RPTOR: variants seen among roughly 807,000 people sequenced by gnomAD.
RPTOR encodes regulatory-associated protein of mTOR.
A neutral mutation model predicts 169.9 loss-of-function variants in RPTOR; 21 were observed. The ratio of observed to expected loss-of-function variants is 0.12; its 90% CI spans 0.09 to 0.18. RPTOR has a LOEUF of 0.18. Ranked by LOEUF, RPTOR falls within the 10% of genes least tolerant of loss-of-function variation. The probability of loss-of-function intolerance (pLI) is 1.00; values close to 1 mark genes in which losing one functional copy is unlikely to be tolerated. For missense variants in RPTOR, 1,133 were observed against 1,855.9 expected, an observed-to-expected ratio of 0.61 and a Z score of 7.16; for synonymous variants, 732 against 753.2, an observed-to-expected ratio of 0.97 and a Z score of 0.46.
chr17:80,691,375 C>T (rs561464305), intron 3 of RPTOR, among the ~76,000 whole-genome samples: 69 of 148,092 alleles, frequency 4.7e-4, no homozygotes, highest in Middle Eastern at 3.5e-3. Context: ...GAAGGCACTA[C>T]CTACTGTATT....
chr17:80,671,221 G>A (rs1483594966), intron 3 of RPTOR, among the ~76,000 whole-genome samples: 7 of 152,102 alleles, frequency 4.6e-5, no homozygotes, highest in South Asian at 2.1e-4. Context: ...TGTGCTCTTC[G>A]TCCTTGTGCT....
chr17:80,678,679 G>A (rs35821645), intron 3 of RPTOR, among the ~76,000 whole-genome samples: 26,884 of 152,140 alleles, frequency 0.18, 3,803 homozygotes, highest in African/African-American at 0.39. Flanking sequence ...ACCCATTCAC[G>A]TTTTCTAACT....
chr17:80,915,711 C>T (rs1567984630), intron 21 of RPTOR, among the ~76,000 whole-genome samples: 1 of 45,412 alleles, frequency 2.2e-5, no homozygotes. Flanking sequence ...CCAGGGTCTC[C>T]TCTCTGCTGA....
intron 6 of RPTOR, among the ~76,000 whole-genome samples, chr17:80,764,731 C>T (rs1043215587): frequency 3.3e-5 from 5 of 151,980 alleles, no homozygotes; most frequent in African/African-American, 4.8e-5. Flanking sequence ...CCTGAGGAAT[C>T]GCCACACTGA....
chr17:80,894,686 G>A (rs1048464010), intron 20 of RPTOR, among the ~76,000 whole-genome samples: 12 of 152,124 alleles, frequency 7.9e-5, no homozygotes, highest in Non-Finnish European at 1.8e-4. Flanking sequence ...GTGGCTTACC[G>A]GCTTCATTTG....
chr17:80,676,824 C>A (rs936054139), intron 3 of RPTOR, among the ~76,000 whole-genome samples: 1 of 152,210 alleles, frequency 6.6e-6, no homozygotes, highest in Non-Finnish European at 1.5e-5. Context: ...CAGGGAGGTG[C>A]AGGGCTCATC....
intron 28 of RPTOR, among the ~76,000 whole-genome samples, chr17:80,951,183 G>A (rs2333881): frequency 5.3e-5 from 8 of 151,668 alleles, no homozygotes; most frequent in East Asian, 3.9e-4. Context: ...GCATCCACAC[G>A]TCCACACCCG....
intron 1 of RPTOR, among the ~76,000 whole-genome samples, chr17:80,596,332 A>G (rs1422419264): frequency 4.6e-5 from 7 of 152,222 alleles, no homozygotes; most frequent in Non-Finnish European, 1.0e-4. Flanking sequence ...CTTTTTGGTT[A>G]AACCTGTTGT....
intron 3 of RPTOR, among the ~76,000 whole-genome samples, chr17:80,688,761 A>T (rs2065968005): frequency 6.6e-6 from 1 of 152,180 alleles, no homozygotes; most frequent in Admixed American, 6.5e-5. Flanking sequence ...GGTTACTGTT[A>T]TTTAAACTAG....
chr17:80,700,890 G>C (rs1331590613), intron 3 of RPTOR, among the ~76,000 whole-genome samples: 5 of 151,238 alleles, frequency 3.3e-5, no homozygotes, highest in Non-Finnish European at 7.4e-5. Context: ...CTTGACCTGG[G>C]TATTGATAGC....
intron 28 of RPTOR, 86 bp downstream of exon 28, chr17:80,949,633 T>C (rs2069148603): frequency 5.5e-6 from 6 of 1,096,302 alleles, no homozygotes; most frequent in Non-Finnish European, 8.3e-6. Context: ...TCTGGGGCTG[T>C]CTCTAAACAG....
intron 24 of RPTOR, among the ~76,000 whole-genome samples, chr17:80,939,719 C>T (rs2069000233): frequency 6.6e-6 from 1 of 152,232 alleles, no homozygotes. Flanking sequence ...CAGCCAGCTG[C>T]CTGGTTCCCT....
intron 3 of RPTOR, among the ~76,000 whole-genome samples, chr17:80,700,644 T>C (rs1368858728): frequency 2.4e-4 from 36 of 148,278 alleles, no homozygotes; most frequent in Admixed American, 3.4e-4. Flanking sequence ...ATGATGGTGG[T>C]GGTGATGGTA....
In RPTOR at chr17:80,732,163, C is replaced by T. The variant is rs1004872563; in HGVS notation, c.654+1457C>T. The stretch of plus-strand genomic sequence containing the variant: ...TCCTTGCATCAAGTAATAAATATCG[C>T]AAAAAAAAGGTGATTTTTTTACATT... On this transcript the variant is annotated intron_variant, in intron 5 of 33. Transcript: ENST00000306801. Among the ~76,000 whole-genome samples the T allele has an allele frequency of 2.0e-5, 3 of 149,254 alleles. No homozygotes were observed. In the East Asian group the frequency reaches 5.8e-4, roughly 29 times the overall value.
chr17:80,845,180 C>G lies in RPTOR; in HGVS notation c.1213-1293C>G, dbSNP rs2067714388. Reference sequence around the variant, plus strand: ...CCAGCAGCCCTGCTGCCCACCTGCTCCATGGCACCCAGGCGAATCCCCCTC... The same window carrying G: ...CCAGCAGCCCTGCTGCCCACCTGCTGCATGGCACCCAGGCGAATCCCCCTC... On this transcript the variant is annotated intron_variant, in intron 10 of 33. Transcript: ENST00000306801. The surrounding 1 kb of genome is among the most constrained non-coding windows in gnomAD (Gnocchi z 5.4). 6.6e-6 allele frequency among the ~76,000 whole-genome samples: 1 copy of G among 151,912 alleles called. No individual in the cohort carries two copies. Among genetic ancestry groups the G allele is most frequent in the South Asian group, 2.1e-4 (1 of 4,814 alleles).
chr17:80,885,636 C>T (rs951681565), intron 17 of RPTOR, among the ~76,000 whole-genome samples: 12 of 152,158 alleles, frequency 7.9e-5, no homozygotes, highest in African/African-American at 1.7e-4. Flanking sequence ...CTCCGCCTCC[C>T]GGGTTCATGC....
rs554447341 is a variant in RPTOR, at chr17:80,903,525, A to G, written c.2402-5286A>G. Among the ~76,000 whole-genome samples the G allele has an allele frequency of 2.8e-4, 42 of 152,366 alleles. No homozygotes were observed. The South Asian group carries it at 7.9e-3, about 29-fold the overall frequency. On this transcript the variant is annotated intron_variant, in intron 20 of 33. Coordinates refer to ENST00000306801, the MANE Select transcript of RPTOR (RefSeq NM_020761.3). ...ATCATTGGTGTTCACAGGACGGGCC[A>G]TAGCAACTGCTTCTCCCTTGGTTTA...
At chr17:80,548,368 GT>G (rs2084303340) in intron 1 of RPTOR, among the ~76,000 whole-genome samples, 1 of 137,288 alleles carries the variant, frequency 7.3e-6, no homozygotes, top group Admixed American at 8.1e-5. Context: ...TCAGCCTGGG[GT>G]GGTTTTTTTT....
chr17:80,789,079 A>G (rs2067021851), intron 6 of RPTOR, among the ~76,000 whole-genome samples: 1 of 152,222 alleles, frequency 6.6e-6, no homozygotes, highest in Admixed American at 6.5e-5. Context: ...TTAATTTTTT[A>G]TTTAAGGGAA....
Sources: gnomAD v4.1 joint callset for allele counts (sites outside exome capture counted in the v4.1 genomes callset) on GRCh38, gnomAD v4.1.1 for gene constraint, Gnocchi (gnomAD v3.1) non-coding constraint, MANE v1.5 for transcripts, NCBI Gene and HGNC (gene_info 2026-07-23, HGNC 2026-07-21) for gene names.